APBA2: variants seen among roughly 807,000 people sequenced by gnomAD.
APBA2 encodes amyloid-beta A4 precursor protein-binding family A member 2.
In APBA2, 30 loss-of-function variants were observed where a neutral mutation model predicts 75.0. The ratio of observed to expected loss-of-function variants is 0.40; its 90% CI spans 0.30 to 0.54. APBA2 has a LOEUF of 0.54. Among genes scored for constraint, APBA2 ranks in the 20% least tolerant of loss-of-function variants. The probability of loss-of-function intolerance (pLI) is 0.49; values close to 1 mark genes in which losing one functional copy is unlikely to be tolerated. For missense variants in APBA2, 801 were observed against 1,016.1 expected (o/e 0.79, Z 2.88); for synonymous variants, 444 against 409.6 (o/e 1.08, Z -1.01).
intron 10 of APBA2, among the ~76,000 whole-genome samples, chr15:29,104,569 G>T (rs1170331997): frequency 6.6e-6 from 1 of 152,246 alleles, no homozygotes; most frequent in African/African-American, 2.4e-5. Context: ...AAGAAGTGAC[G>T]TGCTTCATGG....
At chr15:28,942,217 G>A (rs1300045207) in intron 2 of APBA2, among the ~76,000 whole-genome samples, 8 of 152,224 alleles carry the variant, frequency 5.3e-5, no homozygotes, top group Admixed American at 4.6e-4. Context: ...GTGGCGCTTC[G>A]TCGTGGGAGT....
intron 2 of APBA2, among the ~76,000 whole-genome samples, chr15:28,981,606 C>T (rs2037625483): frequency 6.6e-6 from 1 of 152,150 alleles, no homozygotes; most frequent in Non-Finnish European, 1.5e-5. Context: ...GGAGATTTCT[C>T]AAAGGACTTA....
At chr15:29,074,332 A>C (rs1421796975) in intron 4 of APBA2, among the ~76,000 whole-genome samples, 1 of 152,242 alleles carries the variant, frequency 6.6e-6, no homozygotes, top group African/African-American at 2.4e-5. Flanking sequence ...AAATTCTGCC[A>C]TGTGCTTCAA....
intron 2 of APBA2, among the ~76,000 whole-genome samples, chr15:28,948,950 G>C (rs1368841538): frequency 6.6e-6 from 1 of 151,860 alleles, no homozygotes; most frequent in African/African-American, 2.4e-5. Flanking sequence ...GTAAAGCGGG[G>C]GGTGGGGCAG....
intron 2 of APBA2, among the ~76,000 whole-genome samples, chr15:28,982,185 G>A (rs909940454): frequency 6.6e-6 from 1 of 152,198 alleles, no homozygotes; most frequent in Non-Finnish European, 1.5e-5. Context: ...ATAAGGAAAA[G>A]TGGGCCTTCC....
chr15:28,969,372 G>A (rs2036941607), intron 2 of APBA2, among the ~76,000 whole-genome samples: 1 of 151,760 alleles, frequency 6.6e-6, no homozygotes, highest in Non-Finnish European at 1.5e-5. Context: ...GTAGAGATGG[G>A]GTTTCACCTA....
At chr15:28,994,795 T>G (rs1018941530) in intron 2 of APBA2, among the ~76,000 whole-genome samples, 1 of 152,162 alleles carries the variant, frequency 6.6e-6, no homozygotes, top group Non-Finnish European at 1.5e-5. Flanking sequence ...GTGTCCTGTT[T>G]CCTTCCCCAG....
At chr15:29,020,934 T>C (rs1005961673) in intron 3 of APBA2, among the ~76,000 whole-genome samples, 2 of 152,188 alleles carry the variant, frequency 1.3e-5, no homozygotes, top group African/African-American at 4.8e-5. Flanking sequence ...ATACTGTGTC[T>C]GTTACTGCGG....
chr15:28,912,690 T>A (rs1262175223), intron 1 of APBA2, among the ~76,000 whole-genome samples: 1 of 152,228 alleles, frequency 6.6e-6, no homozygotes, highest in Admixed American at 6.5e-5. Context: ...GCTGGCCTCA[T>A]TTCTGGCAGG....
intron 3 of APBA2, among the ~76,000 whole-genome samples, chr15:29,045,719 C>T (rs1446625590): frequency 6.6e-6 from 1 of 152,140 alleles, no homozygotes; most frequent in Non-Finnish European, 1.5e-5. Flanking sequence ...AAAGAAACCA[C>T]CAAACAAACA....
intron 1 of APBA2, among the ~76,000 whole-genome samples, chr15:28,919,648 C>G (rs560332041): frequency 6.6e-6 from 1 of 152,174 alleles, no homozygotes; most frequent in Non-Finnish European, 1.5e-5. Context: ...GCTTCATCAG[C>G]ACACCCTGCA....
At chr15:29,098,687 G>T in intron 9 of APBA2, 111 bp downstream of exon 9, 1 of 933,802 alleles carries the variant, frequency 1.1e-6, no homozygotes, top group African/African-American at 1.6e-5. Flanking sequence ...TGCTCTCTGC[G>T]CCCATCAACC....
At chr15:28,951,666 C>T (rs1046918222) in intron 2 of APBA2, among the ~76,000 whole-genome samples, 1 of 152,092 alleles carries the variant, frequency 6.6e-6, no homozygotes. Flanking sequence ...CTCACTGCAA[C>T]CTCCGCCTCC....
At position 29,106,761 on chromosome 15, in the gene APBA2, C is replaced by T. The variant is rs755847379; in HGVS notation, c.1859C>T (p.Ser620Phe). ...GKLSIGDQIM[S>F]INGTSLVGLP... ...CTGAGCATCGGGGACCAGATCATGT[C>T]CATCAATGGCACCAGCCTGGTGGGG... Residue 620 changes from serine (S) to phenylalanine (F), a missense_variant, in exon 12 of 15, where the codon TCC becomes TTC. By Grantham distance (155) the Ser-to-Phe change is radical. This residue lies in a region of APBA2 where 367 missense variants were observed against 544.5 expected (regional missense o/e 0.67). Transcript: ENST00000683413. The T allele has an allele frequency of 1.9e-6, 3 of 1,613,068 alleles. No individual in the cohort carries two copies. Among genetic ancestry groups the T allele is most frequent in the Non-Finnish European group, 2.5e-6 (3 of 1,179,994 alleles).
At chr15:28,987,716 A>C (rs2037992778) in intron 2 of APBA2, among the ~76,000 whole-genome samples, 1 of 137,948 alleles carries the variant, frequency 7.2e-6, no homozygotes, top group South Asian at 2.4e-4. Context: ...GTGTCAAAGA[A>C]TATGTGGAGA....
rs939187612 is a variant in APBA2 at position 29,082,851 on chromosome 15, A to G, written c.1069+6760A>G. Among the ~76,000 whole-genome samples, 9 of 152,250 alleles carry G rather than the reference A, an allele frequency of 5.9e-5. No homozygotes were observed. The East Asian group carries it at 1.4e-3, about 23-fold the overall frequency. Reference sequence around the variant, plus strand: ...CAAGGTGGGCAGGTCACCTGAGGTCAGGAGTTCAAGACCAGGTTGGGCAAC... The same window carrying G: ...CAAGGTGGGCAGGTCACCTGAGGTCGGGAGTTCAAGACCAGGTTGGGCAAC... On this transcript the variant is annotated intron_variant, in intron 6 of 14. Coordinates refer to ENST00000683413, the MANE Select transcript of APBA2 (RefSeq NM_001353788.2).
intron 2 of APBA2, among the ~76,000 whole-genome samples, chr15:28,949,972 C>G (rs533680467): frequency 6.6e-6 from 1 of 152,234 alleles, no homozygotes; most frequent in South Asian, 2.1e-4. Flanking sequence ...TTCCAATTTC[C>G]TTAGTTTTTG....
chr15:29,086,940 C>T (rs1293830627), intron 6 of APBA2, among the ~76,000 whole-genome samples: 1 of 152,202 alleles, frequency 6.6e-6, no homozygotes, highest in East Asian at 1.9e-4. Context: ...CAATTTCTTC[C>T]CTTCCACTAT....
chr15:29,086,920 C>T (rs1198202725), intron 6 of APBA2, among the ~76,000 whole-genome samples: 1 of 152,162 alleles, frequency 6.6e-6, no homozygotes, highest in East Asian at 1.9e-4. Context: ...CTATTTATCC[C>T]CCCACCTCCC....
Sources: gnomAD v4.1 joint callset for allele counts (sites outside exome capture counted in the v4.1 genomes callset) on GRCh38, gnomAD v4.1.1 for gene constraint, gnomAD v4.1.1 regional missense constraint, MANE v1.5 for transcripts, NCBI Gene and HGNC (gene_info 2026-07-23, HGNC 2026-07-21) for gene names.